Variants in EPHB1 observed in about 807,000 individuals in gnomAD.
EPHB1 encodes the protein ephrin type-B receptor 1.
A neutral mutation model predicts 94.4 loss-of-function variants in EPHB1; 30 were observed. That is an observed-to-expected ratio of 0.32 (90% CI 0.24 to 0.43). EPHB1 has a LOEUF of 0.43. EPHB1 is among the 20% of genes least tolerant of loss of function. EPHB1 has a pLI of 1.00. For synonymous variants in EPHB1, 522 were observed against 489.1 expected (o/e 1.07, Z -0.89); for missense variants, 1,055 against 1,308.3 (o/e 0.81, Z 2.99).
chr3:135,052,909 A>ATATATATGTGTG (rs1217744067), intron 3 of EPHB1, among the ~76,000 whole-genome samples: 43 of 68,848 alleles, frequency 6.2e-4, no homozygotes, highest in African/African-American at 3.3e-3. Flanking sequence ...ATATATATAT[A>ATATATATGTGTG]TGTGTGTGTG....
In EPHB1 at chr3:135,183,026, TTTTCTTTCTTTCTTTC is replaced by T. The variant is rs373601553; in HGVS notation, c.1882+3082_1882+3097del. Among the ~76,000 whole-genome samples, 124 of 94,670 alleles carry T rather than the reference TTTTCTTTCTTTCTTTC, an allele frequency of 1.3e-3. 1 individual carries two copies. The highest frequency in any genetic ancestry group is 1.9e-3 in the Non-Finnish European group (89 of 47,520). The allele number at this position is 94,670 out of a possible 152,430, so 62.1% of individuals were successfully genotyped here. On this transcript the variant is annotated intron_variant, in intron 10 of 15. Transcript: ENST00000398015. ...TTTTCTTTTCTTTTCTTTTCTTTTCTTTTCTTTCTTTCTTTCTTTCTTTCTTTCTTTCTTTCTTTCT... is the reference window on the plus strand; with the variant it reads ...TTTTCTTTTCTTTTCTTTTCTTTTCTTTTCTTTCTTTCTTTCTTTCTTTCT...
At chr3:134,919,729 G>A (rs973246511) in intron 1 of EPHB1, among the ~76,000 whole-genome samples, 1 of 152,144 alleles carries the variant, frequency 6.6e-6, no homozygotes, top group African/African-American at 2.4e-5. Flanking sequence ...CCTAGGGAAG[G>A]CAGACGACCC....
chr3:135,071,993 C>T (rs1937732862), intron 3 of EPHB1, among the ~76,000 whole-genome samples: 6 of 152,172 alleles, frequency 3.9e-5, no homozygotes, highest in Admixed American at 3.3e-4. Context: ...ATTATTTCAC[C>T]TCTATCTCCA....
chr3:134,802,219 G>A (rs983468518), intron 1 of EPHB1, among the ~76,000 whole-genome samples: 2 of 151,790 alleles, frequency 1.3e-5, no homozygotes, highest in Admixed American at 6.6e-5. Flanking sequence ...GGCGGATCAC[G>A]AGGTCAGGAG....
chr3:135,214,423 A>C lies in EPHB1; in HGVS notation c.2346+12734A>C, dbSNP rs557441317. The stretch of plus-strand genomic sequence containing the variant: ...TACTGCTCTAGGGCACCAGGCATGA[A>C]GGGTCCAGCCTCCCCTCATGGGACA... On this transcript the variant is annotated intron_variant, in intron 12 of 15. Transcript: ENST00000398015. 6.6e-5 allele frequency among the ~76,000 whole-genome samples: 10 copies of C among 152,310 alleles called. No individual in the cohort carries two copies. The South Asian group carries it at 1.9e-3, about 28-fold the overall frequency.
chr3:134,889,243 G>C (rs983745305), intron 1 of EPHB1, among the ~76,000 whole-genome samples: 9 of 152,172 alleles, frequency 5.9e-5, no homozygotes, highest in Admixed American at 1.3e-4. Context: ...TTGGTGAGAT[G>C]GTGGCCTGGG....
At chr3:135,222,997 T>A (rs1943310587) in intron 12 of EPHB1, among the ~76,000 whole-genome samples, 1 of 152,338 alleles carries the variant, frequency 6.6e-6, no homozygotes, top group South Asian at 2.1e-4. Context: ...AAAATATGTA[T>A]ATGAAATTAT....
chr3:135,050,791 C>T (rs767090804), intron 3 of EPHB1, among the ~76,000 whole-genome samples: 13 of 152,122 alleles, frequency 8.5e-5, no homozygotes, highest in Middle Eastern at 3.2e-3. Flanking sequence ...CCATATGACA[C>T]GCCTCCTCCC....
intron 1 of EPHB1, among the ~76,000 whole-genome samples, chr3:134,877,145 G>A (rs899344746): frequency 9.2e-5 from 14 of 152,256 alleles, no homozygotes; most frequent in African/African-American, 9.6e-5. Flanking sequence ...GGCAATAGGC[G>A]TAGACCCTTG....
At chr3:135,179,753 T>C (rs768900554) in intron 9 of EPHB1, 107 bp from the exon 10 acceptor site, 10 of 1,378,456 alleles carry the variant, frequency 7.3e-6, no homozygotes, top group Non-Finnish European at 8.0e-6. Flanking sequence ...GCCTGGTGTG[T>C]AGGAGAGCTC....
rs2107687588 is a variant in EPHB1 at position 135,133,055 on chromosome 3, T to A, written c.1297+6T>A. The A allele has an allele frequency of 6.4e-7, 1 of 1,568,592 alleles. No individual in the cohort carries two copies. Among genetic ancestry groups the A allele is most frequent in the Non-Finnish European group, 8.7e-7 (1 of 1,152,018 alleles). The stretch of plus-strand genomic sequence containing the variant: ...CATCACCACAAACCAAGCCGGTAAG[T>A]CTGGAGGCTTCTGTGCTCCTGTTTG... On this transcript the variant is annotated splice_donor_region_variant and intron_variant, in intron 5 of 15. Transcript: ENST00000398015.
At chr3:134,910,048 C>G (rs1232095330) in intron 1 of EPHB1, among the ~76,000 whole-genome samples, 1 of 152,216 alleles carries the variant, frequency 6.6e-6, no homozygotes, top group African/African-American at 2.4e-5. Flanking sequence ...TGTAGGGCCT[C>G]TCTTCAGTCT....
intron 1 of EPHB1, among the ~76,000 whole-genome samples, chr3:134,909,589 C>T (rs17707511): frequency 0.18 from 27,919 of 152,186 alleles, 2,705 homozygotes; most frequent in Middle Eastern, 0.3. Context: ...CATGTCCAAG[C>T]TGAAAGACAC....
At chr3:135,173,035 C>CTT (rs1325117108) in intron 9 of EPHB1, among the ~76,000 whole-genome samples, 2,303 of 136,754 alleles carry the variant, frequency 0.017, 64 homozygotes, top group African/African-American at 0.059. Flanking sequence ...GAAATAGTTT[C>CTT]TTTTTTTTTT....
chr3:134,868,209 CAAAG>C (rs1333736472), intron 1 of EPHB1, among the ~76,000 whole-genome samples: 1 of 152,194 alleles, frequency 6.6e-6, no homozygotes, highest in Non-Finnish European at 1.5e-5. Context: ...GCTGCTCTAT[CAAAG>C]AGTTATATTT....
At chr3:134,868,625 AGT>A (rs1052665527) in intron 1 of EPHB1, among the ~76,000 whole-genome samples, 1 of 152,162 alleles carries the variant, frequency 6.6e-6, no homozygotes, top group African/African-American at 2.4e-5. Context: ...TGGAATACTG[AGT>A]GTGAGACTGA....
At chr3:135,068,647 A>ATTTTT (rs544925068) in intron 3 of EPHB1, among the ~76,000 whole-genome samples, 1 of 141,508 alleles carries the variant, frequency 7.1e-6, no homozygotes, top group African/African-American at 2.7e-5. Flanking sequence ...GAAGTTTTTA[A>ATTTTT]TTTTTTTTTT....
rs181433392 is a variant in EPHB1, at chr3:134,954,467, T to C, written c.805+2415T>C. 1.8e-4 allele frequency among the ~76,000 whole-genome samples: 27 copies of C among 152,276 alleles called. No homozygotes were observed. The East Asian group carries it at 5.2e-3, about 29-fold the overall frequency. On this transcript the variant is annotated intron_variant, in intron 3 of 15. Coordinates refer to ENST00000398015, the MANE Select transcript of EPHB1 (RefSeq NM_004441.5). ...TCACAATGGTTTTGGTGTAGCCCAC[T>C]TAGCACAATCATCATGAGGGCAGAA...
At chr3:135,233,176 C>T (rs1943571759) in intron 12 of EPHB1, among the ~76,000 whole-genome samples, 1 of 152,190 alleles carries the variant, frequency 6.6e-6, no homozygotes, top group South Asian at 2.1e-4. Flanking sequence ...TCCAAAGTCT[C>T]ATCTGTGACA....
Sources: allele counts gnomAD v4.1 joint callset (sites outside exome capture counted in the v4.1 genomes callset), GRCh38; gene constraint gnomAD v4.1.1; transcripts MANE v1.5; gene names NCBI Gene and HGNC (gene_info 2026-07-23, HGNC 2026-07-21).